ZC3HC1: variants seen among roughly 807,000 people sequenced by gnomAD.
ZC3HC1 encodes zinc finger C3HC-type protein 1.
ZC3HC1 carries 38 observed loss-of-function variants against 61.9 expected under a neutral mutation model. The observed-to-expected ratio is 0.61, with a 90% CI of 0.47 to 0.81. ZC3HC1 has a LOEUF of 0.81. Among genes scored for constraint, ZC3HC1 ranks in the 30% least tolerant of loss-of-function variants. ZC3HC1 has a pLI of 0.00. For synonymous variants in ZC3HC1, 213 were observed against 229.9 expected, an observed-to-expected ratio of 0.93 and a Z score of 0.67; for missense variants, 554 against 622.7, an observed-to-expected ratio of 0.89 and a Z score of 1.17.
intron 9 of ZC3HC1, among the ~76,000 whole-genome samples, chr7:130,019,636 A>G (rs1793541231): frequency 6.6e-6 from 1 of 152,084 alleles, no homozygotes; most frequent in South Asian, 2.1e-4. Context: ...AGACAAAGTA[A>G]TTCATTAGGA....
At chr7:130,051,402 G>A (rs1163590934), upstream of ZC3HC1, 2 of 1,611,730 alleles carry the variant, frequency 1.2e-6, no homozygotes, top group South Asian at 2.2e-5. Context: ...CCGAGAGTTT[G>A]AAGGCTCCGG....
chr7:130,029,090 G>C (rs950759405), intron 4 of ZC3HC1, 61 bp from the exon 5 acceptor site: 1 of 1,530,938 alleles, frequency 6.5e-7, no homozygotes, highest in Admixed American at 1.9e-5. Flanking sequence ...AAAAAACACG[G>C]CTGGGCATGG....
intron 4 of ZC3HC1, among the ~76,000 whole-genome samples, chr7:130,033,510 T>G (rs1208858254): frequency 4.2e-5 from 6 of 141,432 alleles, no homozygotes; most frequent in African/African-American, 8.0e-5. Context: ...TGGAGTGCAG[T>G]GACACGATCC....
rs758608091 is a variant in ZC3HC1 at position 130,039,468 on chromosome 7, G to C, written c.489C>G (p.Ser163=). Residue 163 remains serine (S), a synonymous_variant, in exon 4 of 10, where the codon TCC becomes TCG. Transcript: ENST00000358303. The part of the protein sequence containing the change: ...EKFCFWPDSP[S]PDRFGMLPLD... ...GGAATTCTCAAAAATAAGTACCTGG[G>C]GATGGGCTGTCTGGCCAGAAACAGA... The C allele has an allele frequency of 6.2e-7, 1 of 1,611,508 alleles. No individual in the cohort carries two copies. The highest frequency in any genetic ancestry group is 1.1e-5 in the South Asian group (1 of 90,284).
At chr7:130,037,535 G>A (rs1160895187) in intron 4 of ZC3HC1, among the ~76,000 whole-genome samples, 1 of 152,184 alleles carries the variant, frequency 6.6e-6, no homozygotes, top group East Asian at 1.9e-4. Flanking sequence ...ACCAAGTTTT[G>A]TTATACAATA....
chr7:130,029,073 A>G (rs1474606747), intron 4 of ZC3HC1, 44 bp from the exon 5 acceptor site: 1 of 1,576,230 alleles, frequency 6.3e-7, no homozygotes, highest in Non-Finnish European at 8.6e-7. Flanking sequence ...TGTAAACTGT[A>G]AAAAATAAAA....
At chr7:130,020,602 CCA>C (rs1207208789) in intron 9 of ZC3HC1, among the ~76,000 whole-genome samples, 1 of 151,870 alleles carries the variant, frequency 6.6e-6, no homozygotes, top group African/African-American at 2.4e-5. Context: ...GGATCCTTTA[CCA>C]CACAGTCTCA....
chr7:130,026,077 T>C, intron 6 of ZC3HC1, 81 bp downstream of exon 6: 2 of 1,438,578 alleles, frequency 1.4e-6, no homozygotes, highest in Non-Finnish European at 1.9e-6. Flanking sequence ...ATGTGATTTC[T>C]AAATACGATT....
intron 6 of ZC3HC1, 112 bp downstream of exon 6, chr7:130,026,046 C>T: frequency 7.5e-7 from 1 of 1,325,812 alleles, no homozygotes; most frequent in Admixed American, 2.5e-5. Flanking sequence ...TTCTTTGTCT[C>T]TTTTTCTCAC....
At chr7:130,033,518 T>C (rs1280322827) in intron 4 of ZC3HC1, among the ~76,000 whole-genome samples, 2 of 143,784 alleles carry the variant, frequency 1.4e-5, no homozygotes, top group Non-Finnish European at 3.0e-5. Flanking sequence ...AGTGACACGA[T>C]CCCGGCTCAC....
chr7:130,048,143 G>GTTTTTT (rs11364921), intron 2 of ZC3HC1, among the ~76,000 whole-genome samples: 6 of 73,736 alleles, frequency 8.1e-5, no homozygotes, highest in East Asian at 5.6e-4. Context: ...TTTCCTAGTT[G>GTTTTTT]TTTTTTTTTT....
At chr7:130,020,729 AAAAC>A (rs1793604208) in intron 9 of ZC3HC1, among the ~76,000 whole-genome samples, 1 of 152,138 alleles carries the variant, frequency 6.6e-6, no homozygotes, top group South Asian at 2.1e-4. Flanking sequence ...CTACAAAACA[AAAAC>A]AAAACCCATA....
chr7:130,040,880 T>TC lies in ZC3HC1; in HGVS notation c.409+70dup, dbSNP rs770416054. 675 of 1,420,216 alleles carry TC rather than the reference T, an allele frequency of 4.8e-4. 1 individual carries two copies. Among genetic ancestry groups the TC allele is most frequent in the African/African-American group, 1.9e-3 (128 of 68,796 alleles). 88.0% of individuals were successfully genotyped at this position (1,420,216 alleles called of 1,614,324 possible). ...TTGATCAAACTAAAATGACCTTTTT[T>TC]CCCCCCCCAGAAAACCAGGATAGTA... is the stretch of plus-strand genomic sequence containing the variant. On this transcript the variant is annotated intron_variant, in intron 3 of 9. Coordinates refer to ENST00000358303, the MANE Select transcript of ZC3HC1 (RefSeq NM_016478.5).
intron 4 of ZC3HC1, among the ~76,000 whole-genome samples, chr7:130,033,283 T>G (rs1432052412): frequency 2.0e-5 from 3 of 152,066 alleles, no homozygotes; most frequent in Non-Finnish European, 2.9e-5. Flanking sequence ...ATCTGCCCAC[T>G]TCAGCCTCCG....
intron 4 of ZC3HC1, among the ~76,000 whole-genome samples, chr7:130,033,113 G>C (rs1228463854): frequency 6.6e-6 from 1 of 152,044 alleles, no homozygotes; most frequent in African/African-American, 2.4e-5. Flanking sequence ...GCTCGCCACA[G>C]CCTTAACCTC....
At chr7:130,046,509 A>C (rs1794871479) in intron 2 of ZC3HC1, among the ~76,000 whole-genome samples, 1 of 151,600 alleles carries the variant, frequency 6.6e-6, no homozygotes, top group Non-Finnish European at 1.5e-5. Context: ...TGGGAGGCTG[A>C]GGCAGGAGAA....
intron 1 of ZC3HC1, among the ~76,000 whole-genome samples, chr7:130,049,816 C>T (rs536250558): frequency 2.0e-5 from 3 of 151,844 alleles, no homozygotes; most frequent in Non-Finnish European, 2.9e-5. Context: ...TCCCAAAGTG[C>T]TGGGATTACA....
intron 5 of ZC3HC1, among the ~76,000 whole-genome samples, chr7:130,027,926 T>C (rs1401368052): frequency 2.0e-5 from 3 of 151,042 alleles, no homozygotes; most frequent in Admixed American, 2.0e-4. Flanking sequence ...CCCAGCACTT[T>C]GGGAGGCCGA....
At chr7:130,046,512 C>G (rs1182169811) in intron 2 of ZC3HC1, among the ~76,000 whole-genome samples, 1 of 150,862 alleles carries the variant, frequency 6.6e-6, no homozygotes, top group East Asian at 2.0e-4. Context: ...GAGGCTGAGG[C>G]AGGAGAATTG....
Sources: gnomAD v4.1 joint callset for allele counts (sites outside exome capture counted in the v4.1 genomes callset) on GRCh38, gnomAD v4.1.1 for gene constraint, MANE v1.5 for transcripts, NCBI Gene and HGNC (gene_info 2026-07-23, HGNC 2026-07-21) for gene names.